FBRSL1: variants seen among roughly 807,000 people sequenced by gnomAD.
The protein encoded by FBRSL1 is fibrosin like 1, also known as fibrosin-1-like protein.
Under a neutral mutation model 89.6 loss-of-function variants are expected in FBRSL1, and 51 were observed. The ratio of observed to expected loss-of-function variants is 0.57; its 90% confidence interval spans 0.45 to 0.72. The LOEUF (loss-of-function observed/expected upper bound fraction) is 0.72. FBRSL1 is among the 30% of genes least tolerant of loss of function. The probability of loss-of-function intolerance (pLI) is 0.00; values close to 1 mark genes in which losing one functional copy is unlikely to be tolerated. For synonymous variants in FBRSL1, 779 were observed against 681.1 expected (o/e 1.14, Z -2.24); for missense variants, 1,618 against 1,451.8 (o/e 1.11, Z -1.86).
intron 2 of FBRSL1, among the ~76,000 whole-genome samples, chr12:132,519,991 C>T (rs2035201410): frequency 2.0e-5 from 3 of 151,952 alleles, no homozygotes; most frequent in South Asian, 2.1e-4. Context: ...GTGCAGGCAG[C>T]GTGTATGGGT....
chr12:132,551,275 A>G (rs1471908811), intron 5 of FBRSL1: 3 of 398,914 alleles, frequency 7.5e-6, no homozygotes, highest in South Asian at 5.3e-5. Context: ...CCACATTTAC[A>G]GGGACCCTCA....
At chr12:132,578,696 C>T (rs982431134) in intron 15 of FBRSL1, among the ~76,000 whole-genome samples, 6 of 144,384 alleles carry the variant, frequency 4.2e-5, no homozygotes, top group African/African-American at 1.3e-4. Flanking sequence ...CCTGTCCCTT[C>T]CTCAGAGCTC....
intron 1 of FBRSL1, among the ~76,000 whole-genome samples, chr12:132,504,244 G>GGGGCA (rs1442103685): frequency 2.6e-5 from 4 of 151,960 alleles, no homozygotes; most frequent in Non-Finnish European, 5.9e-5. Flanking sequence ...TCCCAAAGAG[G>GGGGCA]GGCAGCAGGG....
chr12:132,582,902 C>T (rs554200195), intron 18 of FBRSL1, 69 bp from the exon 19 acceptor site: 13 of 1,240,376 alleles, frequency 1.0e-5, no homozygotes, highest in Admixed American at 4.3e-5. Flanking sequence ...GCAACGGGAA[C>T]ATCCCGGGGC....
chr12:132,543,446 G>A (rs2037430655), intron 4 of FBRSL1, among the ~76,000 whole-genome samples: 1 of 152,218 alleles, frequency 6.6e-6, no homozygotes, highest in Admixed American at 6.5e-5. Flanking sequence ...GACACCCCAG[G>A]GCTGGGGCCC....
chr12:132,515,582 A>G (rs1423807342), intron 2 of FBRSL1, among the ~76,000 whole-genome samples: 2 of 151,866 alleles, frequency 1.3e-5, no homozygotes, highest in East Asian at 3.8e-4. Context: ...AAGCCATAGT[A>G]TAGACAAGAA....
rs552786970 is a variant in FBRSL1 at position 132,519,566 on chromosome 12, C to T, written c.490-6168C>T. Among the ~76,000 whole-genome samples, 17 of 152,336 alleles carry T rather than the reference C, an allele frequency of 1.1e-4. 2 individuals are homozygous for T. The highest frequency in any genetic ancestry group is 3.8e-4 in the African/African-American group (16 of 41,584). ...GCCACACCTCACCAGTAGGTGCTGC[C>T]TTCAGCTCAATGTGACTCCAGCCTG... On this transcript the variant is annotated intron_variant, in intron 2 of 18. Coordinates refer to ENST00000680143, the MANE Select transcript of FBRSL1 (RefSeq NM_001367871.1).
Position 132,576,659 on chromosome 12 carries a change from A to C in FBRSL1, c.1702-140A>C, listed in dbSNP as rs972690621. 36 of 973,664 alleles carry C rather than the reference A, an allele frequency of 3.7e-5. No homozygotes were observed. The African/African-American group carries it at 5.5e-4, about 15-fold the overall frequency. 60.3% of individuals were successfully genotyped at this position (973,664 alleles called of 1,614,324 possible). A position where few individuals can be genotyped will look rare whatever the true frequency, so the allele number is the denominator to read the frequency against. On this transcript the variant is annotated intron_variant, in intron 14 of 18. Coordinates refer to ENST00000680143, the MANE Select transcript of FBRSL1 (RefSeq NM_001367871.1). ...AACATTTCCGTCATCCTGAGTAGAG[A>C]ATACACCCTTGAAATCCATCCCACC...
intron 4 of FBRSL1, among the ~76,000 whole-genome samples, chr12:132,534,567 C>G (rs1423985687): frequency 2.0e-5 from 3 of 152,252 alleles, no homozygotes; most frequent in African/African-American, 7.2e-5. Flanking sequence ...GGGCTCACTT[C>G]CCGCAGCGGG....
intron 4 of FBRSL1, among the ~76,000 whole-genome samples, chr12:132,547,492 G>C (rs1334063683): frequency 2.0e-5 from 3 of 152,222 alleles, no homozygotes; most frequent in African/African-American, 4.8e-5. Flanking sequence ...CGGCTGTCCT[G>C]ACCCCAGGGG....
chr12:132,510,221 T>A, intron 2 of FBRSL1: 1 of 1,231,572 alleles, frequency 8.1e-7, no homozygotes. Flanking sequence ...TGCTCCCCAT[T>A]CCCGATCGCC....
intron 5 of FBRSL1, among the ~76,000 whole-genome samples, chr12:132,555,838 G>A (rs1409571369): frequency 6.6e-6 from 1 of 152,220 alleles, no homozygotes; most frequent in Middle Eastern, 3.2e-3. Flanking sequence ...CTGAGGGTCA[G>A]GATGGGTGTG....
chr12:132,563,664 A>G (rs1393663049), intron 5 of FBRSL1, among the ~76,000 whole-genome samples: 1 of 152,042 alleles, frequency 6.6e-6, no homozygotes, highest in Non-Finnish European at 1.5e-5. Flanking sequence ...AAATGCAGCT[A>G]TTTTAAGTGT....
At chr12:132,558,952 C>G (rs2137575741) in intron 5 of FBRSL1, among the ~76,000 whole-genome samples, 1 of 152,390 alleles carries the variant, frequency 6.6e-6, no homozygotes, top group East Asian at 1.9e-4. Context: ...ACTGCCGGGT[C>G]CAGAGCTGCG....
chr12:132,498,967 G>A (rs1230610723), intron 1 of FBRSL1, among the ~76,000 whole-genome samples: 1 of 152,228 alleles, frequency 6.6e-6, no homozygotes, highest in South Asian at 2.1e-4. Context: ...TGCTCAGCGG[G>A]CTTCCTCTGC....
At chr12:132,572,950 G>A (rs2040136612) in intron 11 of FBRSL1, among the ~76,000 whole-genome samples, 2 of 152,186 alleles carry the variant, frequency 1.3e-5, no homozygotes, top group South Asian at 4.1e-4. Flanking sequence ...AGCCTCACAG[G>A]CCGTCCTTAC....
At chr12:132,506,300 G>T (rs2033675666) in intron 1 of FBRSL1, among the ~76,000 whole-genome samples, 1 of 152,212 alleles carries the variant, frequency 6.6e-6, no homozygotes, top group South Asian at 2.1e-4. Flanking sequence ...CAGGTTTACA[G>T]AAAATGTGGT....
intron 4 of FBRSL1, among the ~76,000 whole-genome samples, chr12:132,534,662 C>T (rs1258203306): frequency 1.3e-5 from 2 of 152,232 alleles, no homozygotes; most frequent in African/African-American, 2.4e-5. Context: ...ACTGTGCTCA[C>T]TGGGGTCTCC....
intron 5 of FBRSL1, among the ~76,000 whole-genome samples, chr12:132,557,544 T>C (rs1291541933): frequency 6.6e-6 from 1 of 152,218 alleles, no homozygotes; most frequent in Non-Finnish European, 1.5e-5. Context: ...CCAGGATCTC[T>C]GCCTGTTCCA....
Sources: allele counts gnomAD v4.1 joint callset (sites outside exome capture counted in the v4.1 genomes callset), GRCh38; gene constraint gnomAD v4.1.1; transcripts MANE v1.5; gene names NCBI Gene and HGNC (gene_info 2026-07-23, HGNC 2026-07-21).